RIMS2: variants seen among roughly 807,000 people sequenced by gnomAD.
RIMS2 encodes regulating synaptic membrane exocytosis 2.
Under a neutral mutation model 174.4 loss-of-function variants are expected in RIMS2, and 59 were observed. The observed-to-expected ratio is 0.34, with a 90% CI of 0.27 to 0.42. RIMS2 has a LOEUF of 0.42. RIMS2 is among the 10% of genes least tolerant of loss of function. The pLI is 1.00. For synonymous variants in RIMS2, 606 were observed against 572.5 expected, an observed-to-expected ratio of 1.06 and a Z score of -0.84; for missense variants, 1,620 against 1,666.3, an observed-to-expected ratio of 0.97 and a Z score of 0.48.
intron 1 of RIMS2, among the ~76,000 whole-genome samples, chr8:103,562,708 G>A (rs894440088): frequency 1.3e-5 from 2 of 152,196 alleles, no homozygotes; most frequent in East Asian, 3.9e-4. Flanking sequence ...GGGACACTGT[G>A]TGGAGACTCC....
intron 19 of RIMS2, among the ~76,000 whole-genome samples, chr8:104,032,449 G>A (rs1313320799): frequency 1.3e-5 from 2 of 151,834 alleles, no homozygotes; most frequent in Non-Finnish European, 2.9e-5. Context: ...TCAGACCTTG[G>A]CAATGACCTT....
intron 19 of RIMS2, among the ~76,000 whole-genome samples, chr8:104,215,046 T>G (rs1257839717): frequency 6.6e-6 from 1 of 152,190 alleles, no homozygotes; most frequent in African/African-American, 2.4e-5. Flanking sequence ...TTTAATAACT[T>G]TAGATGACTT....
At chr8:103,785,562 T>C (rs1210874340) in intron 3 of RIMS2, among the ~76,000 whole-genome samples, 1 of 152,126 alleles carries the variant, frequency 6.6e-6, no homozygotes, top group East Asian at 1.9e-4. Context: ...GTTTATATGC[T>C]GGATTACATT....
At chr8:103,602,672 T>A (rs2094818480) in intron 1 of RIMS2, among the ~76,000 whole-genome samples, 2 of 152,214 alleles carry the variant, frequency 1.3e-5, no homozygotes. Flanking sequence ...TCATGGTGTA[T>A]ATGTTCTACA....
chr8:104,095,023 T>G (rs911366674), intron 19 of RIMS2, among the ~76,000 whole-genome samples: 1 of 152,130 alleles, frequency 6.6e-6, no homozygotes, highest in African/African-American at 2.4e-5. Context: ...AATTACTGTA[T>G]ATCTTCTTTA....
intron 17 of RIMS2, among the ~76,000 whole-genome samples, chr8:104,012,666 A>G (rs947504272): frequency 3.9e-5 from 6 of 152,170 alleles, no homozygotes; most frequent in African/African-American, 1.4e-4. Context: ...ATGTAAAAGT[A>G]TTATGCTAGG....
intron 17 of RIMS2, among the ~76,000 whole-genome samples, chr8:104,009,384 C>T (rs2095686643): frequency 6.6e-6 from 1 of 151,916 alleles, no homozygotes; most frequent in African/African-American, 2.4e-5. Flanking sequence ...GCCTCGACCT[C>T]CTGAGCTCAA....
At chr8:103,566,360 G>A (rs530844236) in intron 1 of RIMS2, among the ~76,000 whole-genome samples, 1 of 152,186 alleles carries the variant, frequency 6.6e-6, no homozygotes, top group East Asian at 1.9e-4. Context: ...AGCAAGAAAA[G>A]GGCTCTCTTT....
At chr8:103,893,210 A>G (rs2099257403) in intron 4 of RIMS2, among the ~76,000 whole-genome samples, 1 of 152,112 alleles carries the variant, frequency 6.6e-6, no homozygotes, top group South Asian at 2.1e-4. Flanking sequence ...AACATGAAAT[A>G]AGATAGCATT....
At chr8:104,076,409 G>A (rs1049125904) in intron 19 of RIMS2, among the ~76,000 whole-genome samples, 3 of 152,008 alleles carry the variant, frequency 2.0e-5, no homozygotes, top group Non-Finnish European at 4.4e-5. Context: ...AAAAATTTCT[G>A]TATGTGTTTG....
chr8:103,849,798 T>C (rs1029060204), intron 3 of RIMS2, among the ~76,000 whole-genome samples: 5 of 151,978 alleles, frequency 3.3e-5, no homozygotes, highest in African/African-American at 1.2e-4. Flanking sequence ...GTCTGTACCA[T>C]AGGGAGAAAC....
At chr8:103,517,320 G>T (rs1476710056) in intron 1 of RIMS2, among the ~76,000 whole-genome samples, 1 of 152,140 alleles carries the variant, frequency 6.6e-6, no homozygotes, top group Non-Finnish European at 1.5e-5. Context: ...AAAGCATTTA[G>T]ACACGGACTG....
chr8:103,669,500 C>G (rs1332183474), intron 1 of RIMS2, among the ~76,000 whole-genome samples: 1 of 152,190 alleles, frequency 6.6e-6, no homozygotes, highest in Non-Finnish European at 1.5e-5. Context: ...TCATTTGAGA[C>G]AAGGCAAGTC....
At chr8:103,814,385 A>G (rs144024564) in intron 3 of RIMS2, among the ~76,000 whole-genome samples, 2 of 152,054 alleles carry the variant, frequency 1.3e-5, no homozygotes, top group Non-Finnish European at 2.9e-5. Context: ...ACATACCTGC[A>G]CATGTACCCC....
rs578203638 is a variant in RIMS2 at position 104,245,760 on chromosome 8, G to A, written c.3476+703G>A. ...TCACTGTGTAAGTATTAGATGTTTA[G>A]ATAACCTATGTGTGGCCAGTTTACA... On this transcript the variant is annotated intron_variant, in intron 20 of 23. Coordinates refer to ENST00000504942, the Ensembl canonical transcript of RIMS2. 2.0e-5 allele frequency among the ~76,000 whole-genome samples: 3 copies of A among 152,292 alleles called. No homozygotes were observed. In the East Asian group the frequency reaches 5.8e-4, roughly 29 times the overall value.
At chr8:103,869,407 A>T (rs2099099629) in intron 3 of RIMS2, among the ~76,000 whole-genome samples, 1 of 148,948 alleles carries the variant, frequency 6.7e-6, no homozygotes. Flanking sequence ...ATGTTGGTTA[A>T]ATTAGTCTTG....
intron 1 of RIMS2, among the ~76,000 whole-genome samples, chr8:103,635,548 G>A (rs140668584): frequency 1.3e-5 from 2 of 152,354 alleles, no homozygotes; most frequent in Non-Finnish European, 2.9e-5. Flanking sequence ...TGTCACCAGT[G>A]AAGGCTGTGA....
chr8:104,161,103 T>G (rs2098757895), intron 19 of RIMS2, among the ~76,000 whole-genome samples: 1 of 152,196 alleles, frequency 6.6e-6, no homozygotes, highest in African/African-American at 2.4e-5. Flanking sequence ...AAACTTTGTC[T>G]AACATATACT....
At chr8:103,601,759 T>C (rs933155483) in intron 1 of RIMS2, among the ~76,000 whole-genome samples, 3 of 152,126 alleles carry the variant, frequency 2.0e-5, no homozygotes, top group African/African-American at 7.2e-5. Context: ...GTGAAAGTGA[T>C]TTCCTCTGGT....
Sources: gnomAD v4.1 joint callset for allele counts (sites outside exome capture counted in the v4.1 genomes callset) on GRCh38, gnomAD v4.1.1 for gene constraint, MANE v1.5 for transcripts, NCBI Gene and HGNC (gene_info 2026-07-23, HGNC 2026-07-21) for gene names.